Variants in KIFAP3 observed in about 807,000 individuals in gnomAD.
KIFAP3 encodes kinesin-associated protein 3.
A neutral mutation model predicts 106.5 loss-of-function variants in KIFAP3; 68 were observed. The ratio of observed to expected loss-of-function variants is 0.64; its 90% CI spans 0.53 to 0.78. The LOEUF (loss-of-function observed/expected upper bound fraction) is 0.78, where lower values mean the gene tolerates loss of function less well. KIFAP3 is among the 30% of genes least tolerant of loss of function. The pLI is 0.00. For synonymous variants in KIFAP3, 320 were observed against 311.5 expected, an observed-to-expected ratio of 1.03 and a Z score of -0.29; for missense variants, 780 against 941.8, an observed-to-expected ratio of 0.83 and a Z score of 2.25.
At chr1:170,032,924 T>C (rs1420136207) in intron 7 of KIFAP3, among the ~76,000 whole-genome samples, 1 of 151,732 alleles carries the variant, frequency 6.6e-6, no homozygotes, top group East Asian at 1.9e-4. Flanking sequence ...GATACAGAAA[T>C]ACAATATGTC....
upstream of KIFAP3, among the ~76,000 whole-genome samples, chr1:170,076,434 A>G (rs1671915314): frequency 6.6e-6 from 1 of 152,198 alleles, no homozygotes; most frequent in South Asian, 2.1e-4. Context: ...TAAAAAGGAC[A>G]CTGGTGAATT....
intron 9 of KIFAP3, among the ~76,000 whole-genome samples, chr1:170,019,361 G>C (rs556378898): frequency 7.9e-5 from 12 of 152,110 alleles, no homozygotes; most frequent in African/African-American, 2.4e-4. Flanking sequence ...AATAAAACCA[G>C]ACCAAGACAT....
chr1:170,046,129 A>G (rs1221830259), intron 3 of KIFAP3, among the ~76,000 whole-genome samples: 3 of 145,744 alleles, frequency 2.1e-5, no homozygotes, highest in Non-Finnish European at 3.0e-5. Context: ...CTCTAGGCCC[A>G]AACTTCTCAG....
Position 170,074,653 on chromosome 1 carries a change from G to A in KIFAP3, c.-186C>T, listed in dbSNP as rs1322555955. On this transcript the variant is annotated 5_prime_UTR_variant, in exon 1 of 20. Coordinates refer to ENST00000361580, the MANE Select transcript of KIFAP3 (RefSeq NM_014970.4). ...CTCCAGCTCCTCCCACAGCTTCTGT[G>A]CCCCAAAACACTGGAGCGGCCCAGA... 2.1e-5 allele frequency: 31 copies of A among 1,458,444 alleles called. No individual in the cohort carries two copies. The highest frequency in any genetic ancestry group is 2.8e-5 in the Non-Finnish European group (31 of 1,104,500). 90.3% of individuals were successfully genotyped at this position (1,458,444 alleles called of 1,614,324 possible). A position where few individuals can be genotyped will look rare whatever the true frequency, so the allele number is the denominator to read the frequency against.
At chr1:170,081,136 G>C (rs551262935) in intron 1 of KIFAP3, among the ~76,000 whole-genome samples, 1 of 152,186 alleles carries the variant, frequency 6.6e-6, no homozygotes, top group Non-Finnish European at 1.5e-5. Flanking sequence ...GAAAGTATTT[G>C]CCATAAATCT....
Position 170,016,540 on chromosome 1 carries a change from G to T in KIFAP3, c.1105C>A (p.Leu369Ile). Reference protein sequence around the residue: ...DLLNITLRLLLNLSFDTGLRN... With the variant: ...DLLNITLRLLINLSFDTGLRN... ...AGTCCTGTGTCAAAGGATAGGTTTA[G>T]TAAAAGTCGGAGGGTGATATTCAGC... Residue 369 changes from leucine to isoleucine, a missense_variant, in exon 10 of 20, where the codon CTA (leucine) becomes ATA (isoleucine). Around this residue, in one of 3 missense-constraint regions of KIFAP3, gnomAD observed 588 missense variants for 678.9 expected, o/e 0.87. Coordinates refer to ENST00000361580, the MANE Select transcript of KIFAP3 (RefSeq NM_014970.4). The T allele has an allele frequency of 6.2e-7, 1 of 1,609,048 alleles. No homozygotes were observed. Among genetic ancestry groups the T allele is most frequent in the African/African-American group, 1.3e-5 (1 of 74,666 alleles).
At chr1:170,025,327 A>C (rs1038981748) in intron 8 of KIFAP3, among the ~76,000 whole-genome samples, 1 of 152,086 alleles carries the variant, frequency 6.6e-6, no homozygotes, top group Non-Finnish European at 1.5e-5. Flanking sequence ...ATTGACAGTG[A>C]GCTTCAGAGT....
intron 18 of KIFAP3, among the ~76,000 whole-genome samples, chr1:169,960,824 G>T (rs1294415534): frequency 6.6e-6 from 1 of 151,280 alleles, no homozygotes; most frequent in South Asian, 2.1e-4. Flanking sequence ...AATTTTCCTT[G>T]CTACAGCGTT....
At chr1:170,084,548 T>A (rs1672073212) in intron 1 of KIFAP3, among the ~76,000 whole-genome samples, 1 of 152,164 alleles carries the variant, frequency 6.6e-6, no homozygotes, top group Non-Finnish European at 1.5e-5. Flanking sequence ...AAGGGAATAA[T>A]CCACTTATCT....
chr1:170,021,845 C>T (rs975520079), intron 9 of KIFAP3, among the ~76,000 whole-genome samples: 3 of 151,280 alleles, frequency 2.0e-5, no homozygotes, highest in Admixed American at 1.3e-4. Context: ...GCCTTCTAGT[C>T]ATGTCTTTTT....
intron 1 of KIFAP3, among the ~76,000 whole-genome samples, chr1:170,065,104 A>G (rs929874991): frequency 6.6e-6 from 1 of 152,190 alleles, no homozygotes; most frequent in Non-Finnish European, 1.5e-5. Flanking sequence ...GTCTGGATGT[A>G]GCAGATTTTA....
At chr1:169,975,045 G>A (rs1666155453) in intron 16 of KIFAP3, among the ~76,000 whole-genome samples, 1 of 151,940 alleles carries the variant, frequency 6.6e-6, no homozygotes, top group East Asian at 1.9e-4. Context: ...AAATATAAAT[G>A]CTATGTAAAT....
intron 8 of KIFAP3, among the ~76,000 whole-genome samples, chr1:170,026,129 CT>C (rs1195527410): frequency 6.6e-6 from 1 of 152,080 alleles, no homozygotes; most frequent in Non-Finnish European, 1.5e-5. Flanking sequence ...CCAAGAATTG[CT>C]GGGACCCACC....
chr1:170,044,726 G>T (rs1670155329), intron 3 of KIFAP3, among the ~76,000 whole-genome samples: 1 of 152,056 alleles, frequency 6.6e-6, no homozygotes, highest in African/African-American at 2.4e-5. Flanking sequence ...TTTTCCCCAG[G>T]ACTGACTCTG....
chr1:170,005,208 A>G lies in KIFAP3; in HGVS notation c.1183+11254T>C, dbSNP rs1204968452. The stretch of plus-strand genomic sequence containing the variant: ...GCGATCATTAAAAAGTCAGGAAACA[A>G]CAGGTGCTGGAGAGGATGTGGAGAA... On this transcript the variant is annotated intron_variant, in intron 10 of 19. Transcript: ENST00000361580. Among the ~76,000 whole-genome samples, 3 of 152,202 alleles carry G rather than the reference A, an allele frequency of 2.0e-5. No individual in the cohort carries two copies. In the East Asian group the frequency reaches 5.8e-4, roughly 29 times the overall value.
At chr1:169,955,555 T>TA (rs1239805201) in intron 18 of KIFAP3, among the ~76,000 whole-genome samples, 1 of 152,060 alleles carries the variant, frequency 6.6e-6, no homozygotes, top group African/African-American at 2.4e-5. Context: ...AGTAAGGGTC[T>TA]AAAAAATTGA....
At chr1:169,991,345 C>CAA (rs67702185) in intron 11 of KIFAP3, among the ~76,000 whole-genome samples, 1 of 138,836 alleles carries the variant, frequency 7.2e-6, no homozygotes. Context: ...GATCCTGTCT[C>CAA]AAAAAAAAAA....
intron 1 of KIFAP3, among the ~76,000 whole-genome samples, chr1:170,062,763 A>G (rs1015683313): frequency 3.9e-5 from 6 of 152,168 alleles, no homozygotes; most frequent in African/African-American, 1.2e-4. Flanking sequence ...CACATAAATG[A>G]AACAAAAAAT....
upstream of KIFAP3, chr1:170,074,846 C>T (rs1671865673): frequency 1.4e-6 from 1 of 738,062 alleles, no homozygotes; most frequent in African/African-American, 1.8e-5. Context: ...GGAGTGGCTC[C>T]GTAGTCACCG....
Sources: allele counts gnomAD v4.1 joint callset (sites outside exome capture counted in the v4.1 genomes callset), GRCh38; gene constraint gnomAD v4.1.1; regional missense constraint gnomAD v4.1.1; transcripts MANE v1.5; gene names NCBI Gene and HGNC (gene_info 2026-07-23, HGNC 2026-07-21).